Variants in MAVS observed in about 807,000 individuals in gnomAD.
MAVS encodes mitochondrial antiviral signaling protein.
Under a neutral mutation model 30.2 loss-of-function variants are expected in MAVS, and 20 were observed. The observed-to-expected ratio is 0.66, with a 90% CI of 0.47 to 0.96. The LOEUF is 0.96. Ranked by LOEUF, MAVS falls within the 40% of genes least tolerant of loss-of-function variation. MAVS has a pLI of 0.00. For synonymous variants in MAVS, 278 were observed against 293.9 expected, an observed-to-expected ratio of 0.95 and a Z score of 0.55; for missense variants, 624 against 701.1, an observed-to-expected ratio of 0.89 and a Z score of 1.24.
chr20:3,872,139 C>T lies in MAVS; in HGVS notation c.*5992C>T, dbSNP rs1267542179. On this transcript the variant is annotated 3_prime_UTR_variant, in exon 7 of 7. Transcript: ENST00000428216. ...TATCACATGTCTGGAGTTAGGGACCCCACTTAAAGTGAGATTTTGGCTGGA... is the reference window on the plus strand; with the variant it reads ...TATCACATGTCTGGAGTTAGGGACCTCACTTAAAGTGAGATTTTGGCTGGA... 2.6e-5 allele frequency: 4 copies of T among 152,246 alleles called. No individual in the cohort carries two copies. Among genetic ancestry groups the T allele is most frequent in the Non-Finnish European group, 5.9e-5 (4 of 68,036 alleles). The allele number at this position is 152,246 out of a possible 1,614,324, so 9.4% of individuals were successfully genotyped here. A position where few individuals can be genotyped will look rare whatever the true frequency, so the allele number is the denominator to read the frequency against.
rs2089853998 is a variant in MAVS at position 3,860,143 on chromosome 20, C to G, written c.293-1189C>G. 2.6e-5 allele frequency among the ~76,000 whole-genome samples: 4 copies of G among 152,052 alleles called. No individual in the cohort carries two copies. In the South Asian group the frequency reaches 8.3e-4, roughly 31 times the overall value. On this transcript the variant is annotated intron_variant, in intron 3 of 6. Transcript: ENST00000428216. ...TGCTTGTCACTCTTGAGGAGTGGGC[C>G]CACATCAGAACAGCTTTTGGACCTA...
chr20:3,848,926 C>A (rs1254450759), intron 1 of MAVS, among the ~76,000 whole-genome samples: 1 of 152,192 alleles, frequency 6.6e-6, no homozygotes, highest in African/African-American at 2.4e-5. Flanking sequence ...TGCCTCCTGC[C>A]ATCTCTGTGG....
In MAVS at chr20:3,861,390, A is replaced by G; in HGVS notation, c.351A>G (p.Pro117=). 6.2e-7 allele frequency: 1 copy of G among 1,614,022 alleles called. No individual in the cohort carries two copies. The highest frequency in any genetic ancestry group is 8.5e-7 in the Non-Finnish European group (1 of 1,179,992). Residue 117 remains proline (P), a synonymous_variant, in exon 4 of 7, where the codon CCA becomes CCG. Transcript: ENST00000428216. The stretch of plus-strand genomic sequence containing the variant: ...CACCGTCACTTCCTGCTGAGAGGCC[A>G]GGGCCCCCCACACCTGCTGCGGCCC... The part of the protein sequence containing the change: ...LEPPSLPAER[P]GPPTPAAAHS...
In MAVS at chr20:3,867,413, A is replaced by G. The variant is rs2089917601; in HGVS notation, c.*1266A>G. ...TGTTGAGGGTCCAGGCATGCTGGGC[A>G]ACAGGGACCCCATCTCTACAAAAAA... On this transcript the variant is annotated 3_prime_UTR_variant, in exon 7 of 7. Transcript: ENST00000428216. 4 of 193,974 alleles carry G rather than the reference A, an allele frequency of 2.1e-5. No individual in the cohort carries two copies. The South Asian group carries it at 3.5e-4, about 17-fold the overall frequency. The allele number at this position is 193,974 out of a possible 1,614,324, so 12.0% of individuals were successfully genotyped here.
Position 3,867,763 on chromosome 20 carries a change from G to T in MAVS, c.*1616G>T, listed in dbSNP as rs56353242. 0.055 allele frequency: 8,352 copies of T among 152,722 alleles called. 373 individuals carry two copies. Among genetic ancestry groups the T allele is most frequent in the East Asian group, 0.21 (1,112 of 5,318 alleles). The allele number at this position is 152,722 out of a possible 1,614,324, so 9.5% of individuals were successfully genotyped here. The stretch of plus-strand genomic sequence containing the variant: ...GTCCACTGGGCAGCTGTACAGGATG[G>T]AGGATATAGGGCGTTTCCACTCCCA... On this transcript the variant is annotated 3_prime_UTR_variant, in exon 7 of 7. Transcript: ENST00000428216.
At chr20:3,852,067 T>C (rs1474616072) in intron 1 of MAVS, among the ~76,000 whole-genome samples, 2 of 143,618 alleles carry the variant, frequency 1.4e-5, no homozygotes, top group Non-Finnish European at 3.0e-5. Context: ...CAATCTTGGC[T>C]CACTGCAAGC....
At position 3,875,902 on chromosome 20, in the gene MAVS, T is replaced by C. The variant is rs2089987766; in HGVS notation, c.*9755T>C. ...CTTCCAGTTAATCACTTCGCTTGTA[T>C]TTAACATAAGAAAGAAAAACCCTTT... On this transcript the variant is annotated 3_prime_UTR_variant, in exon 7 of 7. Coordinates refer to ENST00000428216, the MANE Select transcript of MAVS (RefSeq NM_020746.5). 6.6e-6 allele frequency: 1 copy of C among 152,374 alleles called. No homozygotes were observed. Among genetic ancestry groups the C allele is most frequent in the Admixed American group, 6.5e-5 (1 of 15,280 alleles). 9.4% of individuals were successfully genotyped at this position (152,374 alleles called of 1,614,324 possible).
chr20:3,859,928 T>G (rs1424067692), intron 3 of MAVS, among the ~76,000 whole-genome samples: 2 of 151,854 alleles, frequency 1.3e-5, no homozygotes, highest in Non-Finnish European at 2.9e-5. Flanking sequence ...GCCATTCTCC[T>G]GCCTCAGCCT....
At chr20:3,859,092 C>A (rs573457213) in intron 3 of MAVS, among the ~76,000 whole-genome samples, 2 of 152,030 alleles carry the variant, frequency 1.3e-5, no homozygotes, top group African/African-American at 4.8e-5. Flanking sequence ...GTCTGGCTCT[C>A]ATGCTTGCTT....
At chr20:3,858,828 C>G (rs1477080709) in intron 3 of MAVS, among the ~76,000 whole-genome samples, 1 of 148,340 alleles carries the variant, frequency 6.7e-6, no homozygotes, top group Non-Finnish European at 1.5e-5. Context: ...GAGACAGAGT[C>G]TTGCTGCGCC....
chr20:3,848,591 C>A (rs1014918371), intron 1 of MAVS, among the ~76,000 whole-genome samples: 1 of 152,212 alleles, frequency 6.6e-6, no homozygotes, highest in African/African-American at 2.4e-5. Flanking sequence ...AGGACTGCTT[C>A]CCCTGTGAGG....
chr20:3,854,617 GAGC>G lies in MAVS; in HGVS notation c.-3_-1del, dbSNP rs1194563156. Reference sequence around the variant, plus strand: ...GGCCAGAGCCCTCTCTCCAGAATCTGAGCAGCAATGCCGTTTGCTGAAGACAAG... The same window carrying G: ...GGCCAGAGCCCTCTCTCCAGAATCTGAGCAATGCCGTTTGCTGAAGACAAG... On this transcript the variant is annotated 5_prime_UTR_variant, in exon 2 of 7. Transcript: ENST00000428216. 1 of 1,604,666 alleles carries G rather than the reference GAGC, an allele frequency of 6.2e-7. No individual in the cohort carries two copies. Among genetic ancestry groups the G allele is most frequent in the African/African-American group, 1.3e-5 (1 of 74,680 alleles).
In MAVS at chr20:3,874,258, G is replaced by C. The variant is rs1030757397; in HGVS notation, c.*8111G>C. On this transcript the variant is annotated 3_prime_UTR_variant, in exon 7 of 7. Transcript: ENST00000428216. ...CTGATCCATGGTGTTAGAAGCCAGG[G>C]GAACAGTTAACAGGGGAGGGATACT... is the stretch of plus-strand genomic sequence containing the variant. 7.5e-6 allele frequency: 3 copies of C among 398,438 alleles called. No homozygotes were observed. Among genetic ancestry groups the C allele is most frequent in the African/African-American group, 4.1e-5 (2 of 48,622 alleles). The allele number at this position is 398,438 out of a possible 1,614,324, so 24.7% of individuals were successfully genotyped here. A position where few individuals can be genotyped will look rare whatever the true frequency, so the allele number is the denominator to read the frequency against.
intron 3 of MAVS, among the ~76,000 whole-genome samples, chr20:3,859,602 G>A (rs1018124204): frequency 5.3e-5 from 8 of 152,078 alleles, no homozygotes; most frequent in African/African-American, 1.9e-4. Flanking sequence ...GGCTCAGGTG[G>A]CAGCATCAGG....
In MAVS at chr20:3,867,174, C is replaced by T. The variant is rs1276398019; in HGVS notation, c.*1027C>T. 1 of 407,718 alleles carries T rather than the reference C, an allele frequency of 2.5e-6. No individual in the cohort carries two copies. Among genetic ancestry groups the T allele is most frequent in the East Asian group, 7.1e-5 (1 of 13,988 alleles). The allele number at this position is 407,718 out of a possible 1,614,324, so 25.3% of individuals were successfully genotyped here. A position where few individuals can be genotyped will look rare whatever the true frequency, so the allele number is the denominator to read the frequency against. Reference sequence around the variant, plus strand: ...GGTGCAGCTCTGCAGCACAGGCAGCCTAGGCCTGCGTCCCAACCTGCCTCT... The same window carrying T: ...GGTGCAGCTCTGCAGCACAGGCAGCTTAGGCCTGCGTCCCAACCTGCCTCT... On this transcript the variant is annotated 3_prime_UTR_variant, in exon 7 of 7. Coordinates refer to ENST00000428216, the MANE Select transcript of MAVS (RefSeq NM_020746.5).
At position 3,868,858 on chromosome 20, in the gene MAVS, T is replaced by C. The variant is rs2089930772; in HGVS notation, c.*2711T>C. 6.6e-6 allele frequency: 1 copy of C among 152,194 alleles called. No homozygotes were observed. The highest frequency in any genetic ancestry group is 2.1e-4 in the South Asian group (1 of 4,820). The allele number at this position is 152,194 out of a possible 1,614,324, so 9.4% of individuals were successfully genotyped here. A position where few individuals can be genotyped will look rare whatever the true frequency, so the allele number is the denominator to read the frequency against. On this transcript the variant is annotated 3_prime_UTR_variant, in exon 7 of 7. Coordinates refer to ENST00000428216, the MANE Select transcript of MAVS (RefSeq NM_020746.5). ...GAGATCGCACCACTGCACTCCAGCCTGGGTGACCGAGTGATACTCTGTCTC... is the reference window on the plus strand; with the variant it reads ...GAGATCGCACCACTGCACTCCAGCCCGGGTGACCGAGTGATACTCTGTCTC...
intron 1 of MAVS, among the ~76,000 whole-genome samples, chr20:3,851,488 A>G (rs1350446568): frequency 7.0e-6 from 1 of 143,596 alleles, no homozygotes; most frequent in East Asian, 2.1e-4. Context: ...CCTGGGCGAC[A>G]GGGAGACTCT....
intron 1 of MAVS, among the ~76,000 whole-genome samples, chr20:3,852,010 C>CTTTTTTTTTT (rs1568531967): frequency 5.1e-5 from 2 of 39,408 alleles, no homozygotes; most frequent in African/African-American, 2.6e-4. Flanking sequence ...TTTTTTTTCC[C>CTTTTTTTTTT]CCGAGACGGA....
At chr20:3,853,473 A>C (rs1339668313) in intron 1 of MAVS, among the ~76,000 whole-genome samples, 2 of 147,110 alleles carry the variant, frequency 1.4e-5, no homozygotes, top group Non-Finnish European at 1.5e-5. Flanking sequence ...GCGACAGAGA[A>C]AGACTCCGTC....
Sources: gnomAD v4.1 joint callset for allele counts (sites outside exome capture counted in the v4.1 genomes callset) on GRCh38, gnomAD v4.1.1 for gene constraint, MANE v1.5 for transcripts, NCBI Gene and HGNC (gene_info 2026-07-23, HGNC 2026-07-21) for gene names.